RLF: variants seen among roughly 807,000 people sequenced by gnomAD.
RLF encodes zinc finger protein Rlf.
Under a neutral mutation model 162.9 loss-of-function variants are expected in RLF, and 7 were observed. The ratio of observed to expected loss-of-function variants is 0.04; its 90% CI spans 0.02 to 0.08. The LOEUF is 0.08. Among genes scored for constraint, RLF ranks in the 10% least tolerant of loss-of-function variants. The pLI is 1.00. For synonymous variants in RLF, 782 were observed against 791.5 expected, an observed-to-expected ratio of 0.99 and a Z score of 0.20; for missense variants, 1,664 against 2,244.7, an observed-to-expected ratio of 0.74 and a Z score of 5.23.
chr1:40,200,962 A>G lies in RLF; in HGVS notation c.608-1450A>G, dbSNP rs1216546000. 1.7e-4 allele frequency among the ~76,000 whole-genome samples: 18 copies of G among 105,726 alleles called. No individual in the cohort carries two copies. The Admixed American group carries it at 2.0e-3, about 12-fold the overall frequency. 69.4% of individuals were successfully genotyped at this position (105,726 alleles called of 152,430 possible). ...CACTGGTTTATCCTTAGTATAAACCATTGCTACTCTACACACACACACCCC... is the reference window on the plus strand; with the variant it reads ...CACTGGTTTATCCTTAGTATAAACCGTTGCTACTCTACACACACACACCCC... On this transcript the variant is annotated intron_variant, in intron 4 of 7. Transcript: ENST00000372771.
intron 1 of RLF, among the ~76,000 whole-genome samples, chr1:40,185,366 G>A (rs1023029880): frequency 5.4e-5 from 8 of 148,082 alleles, no homozygotes; most frequent in Admixed American, 5.3e-4. Context: ...CTGACCTCAA[G>A]TGATACACCT....
At chr1:40,208,916 A>G (rs1048421033) in intron 5 of RLF, among the ~76,000 whole-genome samples, 1 of 152,210 alleles carries the variant, frequency 6.6e-6, no homozygotes, top group African/African-American at 2.4e-5. Flanking sequence ...TGGTGTGCCC[A>G]GGGTTTAAAT....
At chr1:40,165,793 G>A (rs1381766360) in intron 1 of RLF, among the ~76,000 whole-genome samples, 1 of 151,420 alleles carries the variant, frequency 6.6e-6, no homozygotes, top group Non-Finnish European at 1.5e-5. Context: ...CCCCCCCTCC[G>A]CCAAAGGAAA....
intron 4 of RLF, among the ~76,000 whole-genome samples, chr1:40,201,625 CAAAAAA>C (rs35897680): frequency 1.1e-5 from 1 of 91,532 alleles, no homozygotes; most frequent in Non-Finnish European, 2.2e-5. Context: ...GACTTCATCT[CAAAAAA>C]AAAAAAAAAA....
chr1:40,161,657 C>G lies in RLF; in HGVS notation c.237+21C>G, dbSNP rs779139473. ...GCCAGGTGAGGGGCTGACTGGCTGG[C>G]TGAGGGCGGCGGGGCGGGGAAGTCA... On this transcript the variant is annotated intron_variant, in intron 1 of 7. Transcript: ENST00000372771. This position sits in a 1 kb window ranked among gnomAD's most constrained non-coding sequence, Gnocchi z 4.4. The G allele has an allele frequency of 1.9e-6, 3 of 1,605,786 alleles. No individual in the cohort carries two copies. In the South Asian group the frequency reaches 3.3e-5, roughly 18 times the overall value.
At chr1:40,224,525 C>T (rs1330846397) in intron 6 of RLF, among the ~76,000 whole-genome samples, 6 of 141,460 alleles carry the variant, frequency 4.2e-5, no homozygotes, top group African/African-American at 1.5e-4. Flanking sequence ...TCCACTGCCT[C>T]AGCCTCCCAA....
In RLF at chr1:40,190,831, T is replaced by C. The variant is rs770581149; in HGVS notation, c.452T>C (p.Leu151Pro). ...AGTGAACTGCCATGTGAAGTCTGGCTACCATTCCTTCAGTCTCTACAGGTG... is the reference window on the plus strand; with the variant it reads ...AGTGAACTGCCATGTGAAGTCTGGCCACCATTCCTTCAGTCTCTACAGGTG... ...SESELPCEVW[L>P]PFLQSLQESH... is the part of the protein sequence containing the mutation. The change falls in exon 3 of 8, where the codon CTA becomes CCA. Residue 151 changes from leucine to proline, a missense_variant. Physicochemically the swap from Leu to Pro is moderately conservative, Grantham distance 98. Coordinates refer to ENST00000372771, the MANE Select transcript of RLF (RefSeq NM_012421.4). The C allele has an allele frequency of 6.2e-7, 1 of 1,613,064 alleles. No individual in the cohort carries two copies. The highest frequency in any genetic ancestry group is 8.5e-7 in the Non-Finnish European group (1 of 1,179,232).
At chr1:40,220,996 G>A (rs998189276) in intron 5 of RLF, among the ~76,000 whole-genome samples, 1 of 151,120 alleles carries the variant, frequency 6.6e-6, no homozygotes, top group African/African-American at 2.4e-5. Context: ...AAAAGGTGTG[G>A]TGGTACACAC....
chr1:40,234,192 TGCCTGCCTCG>T (rs1168495296), intron 7 of RLF, among the ~76,000 whole-genome samples: 2 of 152,158 alleles, frequency 1.3e-5, no homozygotes, highest in African/African-American at 4.8e-5. Context: ...TCAAGTGATG[TGCCTGCCTCG>T]GCCTCCCAAA....
At chr1:40,176,458 A>T (rs999764108) in intron 1 of RLF, among the ~76,000 whole-genome samples, 6 of 152,104 alleles carry the variant, frequency 3.9e-5, no homozygotes, top group Non-Finnish European at 5.9e-5. Context: ...GCTTTTTAAA[A>T]TTTTGAGATA....
At chr1:40,175,945 C>T (rs987441161) in intron 1 of RLF, among the ~76,000 whole-genome samples, 4 of 152,096 alleles carry the variant, frequency 2.6e-5, no homozygotes, top group Non-Finnish European at 5.9e-5. Context: ...CTCCCATCCC[C>T]ACTTAACTAC....
At chr1:40,234,145 T>C (rs1026431563) in intron 7 of RLF, among the ~76,000 whole-genome samples, 1 of 152,172 alleles carries the variant, frequency 6.6e-6, no homozygotes, top group Non-Finnish European at 1.5e-5. Flanking sequence ...AAATGGGGTT[T>C]TGCCATGTTG....
chr1:40,223,872 G>C (rs1215532315), intron 6 of RLF, among the ~76,000 whole-genome samples: 3 of 152,204 alleles, frequency 2.0e-5, no homozygotes, highest in Non-Finnish European at 2.9e-5. Context: ...CTTTTCTTCT[G>C]TATACTTGTT....
intron 1 of RLF, among the ~76,000 whole-genome samples, chr1:40,174,971 G>A (rs1454392698): frequency 6.6e-6 from 1 of 151,824 alleles, no homozygotes; most frequent in African/African-American, 2.4e-5. Flanking sequence ...AGACCAAGGC[G>A]GGAGGATCTC....
chr1:40,193,168 C>T (rs1642583727), intron 3 of RLF, among the ~76,000 whole-genome samples: 1 of 147,304 alleles, frequency 6.8e-6, no homozygotes, highest in South Asian at 2.1e-4. Context: ...GCTATTATTT[C>T]TGTATTGTAG....
chr1:40,165,950 G>A (rs1000943889), intron 1 of RLF, among the ~76,000 whole-genome samples: 3 of 152,130 alleles, frequency 2.0e-5, no homozygotes, highest in Admixed American at 2.0e-4. Flanking sequence ...ATAACCCGGG[G>A]TCTTCCTTTC....
intron 6 of RLF, among the ~76,000 whole-genome samples, chr1:40,224,432 A>G (rs982964816): frequency 1.3e-5 from 2 of 148,842 alleles, no homozygotes; most frequent in African/African-American, 5.0e-5. Context: ...GCACACTGCC[A>G]CGCCCGACTA....
intron 4 of RLF, among the ~76,000 whole-genome samples, chr1:40,201,561 G>A (rs1431134079): frequency 6.7e-6 from 1 of 148,192 alleles, no homozygotes; most frequent in African/African-American, 2.5e-5. Context: ...GGGAGGCGGA[G>A]CTTGCAGTGA....
intron 1 of RLF, among the ~76,000 whole-genome samples, chr1:40,174,844 T>A (rs919087880): frequency 2.0e-5 from 3 of 152,134 alleles, no homozygotes; most frequent in Non-Finnish European, 2.9e-5. Context: ...CTCTCTTTAT[T>A]TGGTTTTTTC....
Sources: allele counts gnomAD v4.1 joint callset (sites outside exome capture counted in the v4.1 genomes callset), GRCh38; gene constraint gnomAD v4.1.1; non-coding constraint Gnocchi (gnomAD v3.1); transcripts MANE v1.5; gene names NCBI Gene and HGNC (gene_info 2026-07-23, HGNC 2026-07-21).